KIF6: variants seen among roughly 807,000 people sequenced by gnomAD.
The protein encoded by KIF6 is kinesin-like protein KIF6.
KIF6 carries 106 observed loss-of-function variants against 112.7 expected under a neutral mutation model. The ratio of observed to expected loss-of-function variants is 0.94; its 90% CI spans 0.80 to 1.11. KIF6 has a LOEUF of 1.11. Among genes scored for constraint, KIF6 ranks in the 50% least tolerant of loss-of-function variants. KIF6 has a pLI of 0.00. For missense variants in KIF6, 929 were observed against 964.0 expected (o/e 0.96, Z 0.48); for synonymous variants, 339 against 339.9 (o/e 1.00, Z 0.03).
At chr6:39,635,421 C>T (rs1054123606) in intron 4 of KIF6, among the ~76,000 whole-genome samples, 10 of 152,016 alleles carry the variant, frequency 6.6e-5, no homozygotes, top group African/African-American at 1.9e-4. Context: ...TCTTTTTCTA[C>T]TTTTCTAATA....
intron 13 of KIF6, among the ~76,000 whole-genome samples, chr6:39,455,569 T>G (rs2150414160): frequency 6.6e-6 from 1 of 151,914 alleles, no homozygotes; most frequent in South Asian, 2.1e-4. Context: ...ATCAAATTAC[T>G]CTGAGCTACG....
At chr6:39,348,446 G>C (rs547492339) in intron 19 of KIF6, among the ~76,000 whole-genome samples, 33 of 152,242 alleles carry the variant, frequency 2.2e-4, no homozygotes, top group African/African-American at 7.9e-4. Context: ...GGGGGCTCTC[G>C]AGGGAAATGA....
At chr6:39,647,826 C>G (rs937790427) in intron 3 of KIF6, among the ~76,000 whole-genome samples, 1 of 151,472 alleles carries the variant, frequency 6.6e-6, no homozygotes, top group Non-Finnish European at 1.5e-5. Context: ...ATTCTCCTGC[C>G]TCAGTTCCCT....
chr6:39,593,424 GCT>G (rs1398027903), intron 7 of KIF6, among the ~76,000 whole-genome samples: 2 of 151,932 alleles, frequency 1.3e-5, no homozygotes, highest in African/African-American at 4.8e-5. Flanking sequence ...CGACCTACTT[GCT>G]CTCTAGCAGC....
At chr6:39,415,966 T>G (rs1769891438) in intron 15 of KIF6, among the ~76,000 whole-genome samples, 2 of 152,350 alleles carry the variant, frequency 1.3e-5, no homozygotes, top group African/African-American at 4.8e-5. Flanking sequence ...CTTCTTCTAT[T>G]ACATTCCCCG....
intron 6 of KIF6, among the ~76,000 whole-genome samples, chr6:39,611,042 C>T (rs1029029613): frequency 2.0e-5 from 3 of 152,196 alleles, no homozygotes; most frequent in Non-Finnish European, 4.4e-5. Context: ...CGCGGTGGCT[C>T]ACACCTGTAA....
chr6:39,439,941 G>A (rs1379477919), intron 13 of KIF6, among the ~76,000 whole-genome samples: 2 of 152,176 alleles, frequency 1.3e-5, no homozygotes, highest in Non-Finnish European at 2.9e-5. Flanking sequence ...TGCTGCTTAA[G>A]CTATTGCTTA....
At chr6:39,347,008 AC>A (rs1335888547) in intron 19 of KIF6, among the ~76,000 whole-genome samples, 3 of 152,192 alleles carry the variant, frequency 2.0e-5, no homozygotes, top group African/African-American at 7.2e-5. Flanking sequence ...TGAACAACAA[AC>A]GATGGCCACA....
At chr6:39,361,251 T>C (rs1765113904) in intron 17 of KIF6, among the ~76,000 whole-genome samples, 1 of 150,670 alleles carries the variant, frequency 6.6e-6, no homozygotes, top group Non-Finnish European at 1.5e-5. Flanking sequence ...GAAGATGGAG[T>C]AGAGACACAA....
intron 3 of KIF6, among the ~76,000 whole-genome samples, chr6:39,712,607 C>G (rs303704): frequency 0.99 from 151,041 of 152,246 alleles, 74,934 homozygotes; most frequent in Middle Eastern, 1. Context: ...GCTCACACCT[C>G]TAATCCTAGC....
intron 13 of KIF6, among the ~76,000 whole-genome samples, chr6:39,436,226 C>T (rs189335552): frequency 7.4e-4 from 112 of 151,648 alleles, no homozygotes; most frequent in African/African-American, 2.3e-3. Flanking sequence ...TTTTTTCTTG[C>T]GGATTGGCTT....
Position 39,362,415 on chromosome 6 carries a change from T to C in KIF6, c.1946+19A>G, listed in dbSNP as rs564073486. ...TGGGAGGCTGGGCTCGGACTGTGTGTGGCTAAAAGGAAGGGCACCTTCTCT... is the reference window on the plus strand; with the variant it reads ...TGGGAGGCTGGGCTCGGACTGTGTGCGGCTAAAAGGAAGGGCACCTTCTCT... On this transcript the variant is annotated intron_variant, in intron 17 of 22. Coordinates refer to ENST00000287152, the MANE Select transcript of KIF6 (RefSeq NM_145027.6). 1 of 1,600,162 alleles carries C rather than the reference T, an allele frequency of 6.2e-7. No individual in the cohort carries two copies. Among genetic ancestry groups the C allele is most frequent in the East Asian group, 2.2e-5 (1 of 44,786 alleles).
chr6:39,379,607 T>TAC (rs1472468310), intron 16 of KIF6, among the ~76,000 whole-genome samples: 6 of 152,106 alleles, frequency 3.9e-5, no homozygotes, highest in African/African-American at 1.4e-4. Context: ...ACAGAGGAGG[T>TAC]CAATGTTGAA....
chr6:39,623,774 G>T (rs1028211296), intron 5 of KIF6, among the ~76,000 whole-genome samples: 2 of 152,110 alleles, frequency 1.3e-5, no homozygotes, highest in African/African-American at 4.8e-5. Context: ...TAACTGCTAC[G>T]GAAGTTCCAG....
At chr6:39,587,070 G>T (rs889527108) in intron 7 of KIF6, among the ~76,000 whole-genome samples, 15 of 152,146 alleles carry the variant, frequency 9.9e-5, no homozygotes, top group Admixed American at 6.5e-4. Flanking sequence ...TTCAATTCAG[G>T]CTTGCTCACC....
chr6:39,628,891 T>C (rs1266782671), intron 5 of KIF6, among the ~76,000 whole-genome samples: 1 of 152,136 alleles, frequency 6.6e-6, no homozygotes, highest in Non-Finnish European at 1.5e-5. Flanking sequence ...CTCTATAGTT[T>C]TGCCTTTTCC....
chr6:39,460,323 A>T (rs1188452901), intron 13 of KIF6, among the ~76,000 whole-genome samples: 2 of 112,732 alleles, frequency 1.8e-5, no homozygotes, highest in South Asian at 3.5e-4. Context: ...GAATTGAACA[A>T]TGAGATCACA....
At chr6:39,520,870 A>G (rs1336974545) in intron 13 of KIF6, among the ~76,000 whole-genome samples, 1 of 152,224 alleles carries the variant, frequency 6.6e-6, no homozygotes, top group African/African-American at 2.4e-5. Flanking sequence ...CACGAACACG[A>G]AAACCAGCTA....
At chr6:39,419,823 C>T (rs1770219330) in intron 15 of KIF6, 125 bp downstream of exon 15, 11 of 834,034 alleles carry the variant, frequency 1.3e-5, no homozygotes, top group Admixed American at 1.7e-5. Context: ...AAAGCAGCTT[C>T]CTTGGCAGGG....
Sources: gnomAD v4.1 joint callset for allele counts (sites outside exome capture counted in the v4.1 genomes callset) on GRCh38, gnomAD v4.1.1 for gene constraint, MANE v1.5 for transcripts, NCBI Gene and HGNC (gene_info 2026-07-23, HGNC 2026-07-21) for gene names.